The following EYS variants were observed in gnomAD, a reference collection of about 807,000 sequenced individuals.
EYS encodes the protein protein eyes shut homolog.
EYS carries 250 observed loss-of-function variants against 282.1 expected under a neutral mutation model. The ratio of observed to expected loss-of-function variants is 0.89; its 90% CI spans 0.80 to 0.98. EYS has a LOEUF of 0.98. Ranked by LOEUF, EYS falls within the 50% of genes least tolerant of loss-of-function variation. The pLI is 0.00. For missense variants in EYS, 4,016 were observed against 3,709.0 expected (o/e 1.08, Z -2.15); for synonymous variants, 1,355 against 1,282.9 (o/e 1.06, Z -1.20).
chr6:63,872,169 A>G (rs1772824271), intron 35 of EYS, among the ~76,000 whole-genome samples: 1 of 152,206 alleles, frequency 6.6e-6, no homozygotes, highest in South Asian at 2.1e-4. Flanking sequence ...AGCTCCCTAG[A>G]GTCCCAGAGG....
intron 35 of EYS, among the ~76,000 whole-genome samples, chr6:63,938,688 G>T (rs1394736243): frequency 2.0e-5 from 3 of 152,180 alleles, no homozygotes; most frequent in Non-Finnish European, 2.9e-5. Context: ...AGTAACATCT[G>T]CAGCACTTGC....
chr6:65,471,174 C>T (rs1293588554), intron 5 of EYS, among the ~76,000 whole-genome samples: 1 of 132,738 alleles, frequency 7.5e-6, no homozygotes, highest in Non-Finnish European at 1.6e-5. Flanking sequence ...AAAAGGATGG[C>T]ATAGAATGTT....
chr6:65,366,149 A>G (rs1764906536), intron 8 of EYS, among the ~76,000 whole-genome samples: 1 of 151,710 alleles, frequency 6.6e-6, no homozygotes, highest in Non-Finnish European at 1.5e-5. Context: ...TAAAGTATGT[A>G]CACATGCAGG....
chr6:64,503,294 T>C (rs946478116), intron 26 of EYS, among the ~76,000 whole-genome samples: 1 of 152,150 alleles, frequency 6.6e-6, no homozygotes, highest in African/African-American at 2.4e-5. Context: ...TATTTTCTAT[T>C]GCTGAGGAAG....
At chr6:64,257,044 C>T (rs956084230) in intron 30 of EYS, among the ~76,000 whole-genome samples, 1 of 151,942 alleles carries the variant, frequency 6.6e-6, no homozygotes, top group African/African-American at 2.4e-5. Flanking sequence ...TTCAATAAAA[C>T]ACATTTCTTC....
chr6:65,034,491 C>A (rs184442930), intron 13 of EYS, among the ~76,000 whole-genome samples: 1 of 152,090 alleles, frequency 6.6e-6, no homozygotes, highest in East Asian at 1.9e-4. Context: ...TCCCTCATGG[C>A]TTGTTTTGTC....
At chr6:64,589,031 T>G (rs1766316733) in intron 26 of EYS, among the ~76,000 whole-genome samples, 1 of 152,038 alleles carries the variant, frequency 6.6e-6, no homozygotes, top group Non-Finnish European at 1.5e-5. Flanking sequence ...GGCTATGGGA[T>G]GAATTGTTTG....
At chr6:65,464,238 A>T (rs1764917999) in intron 5 of EYS, among the ~76,000 whole-genome samples, 1 of 152,146 alleles carries the variant, frequency 6.6e-6, no homozygotes, top group Non-Finnish European at 1.5e-5. Context: ...GACACAGGAG[A>T]TATGAAGCAA....
chr6:64,327,077 G>C (rs1211446580), intron 29 of EYS, among the ~76,000 whole-genome samples: 2 of 152,120 alleles, frequency 1.3e-5, no homozygotes, highest in Non-Finnish European at 2.9e-5. Context: ...GTGTGGAAGA[G>C]AGTCTCGGGA....
intron 2 of EYS, among the ~76,000 whole-genome samples, chr6:65,613,457 A>C (rs1766074206): frequency 6.6e-6 from 1 of 151,828 alleles, no homozygotes; most frequent in Admixed American, 6.6e-5. Context: ...TTTGAAGTAT[A>C]ATTTTCAGTC....
At chr6:65,094,930 A>T (rs1176386678) in intron 12 of EYS, among the ~76,000 whole-genome samples, 1 of 151,278 alleles carries the variant, frequency 6.6e-6, no homozygotes, top group Non-Finnish European at 1.5e-5. Flanking sequence ...TGGTTTTCTG[A>T]AAAGATAAAA....
chr6:65,598,015 A>C (rs776351577), intron 2 of EYS, among the ~76,000 whole-genome samples: 1 of 151,988 alleles, frequency 6.6e-6, no homozygotes, highest in Non-Finnish European at 1.5e-5. Flanking sequence ...TGGGAGGATC[A>C]TTTGAGCCTG....
chr6:64,056,266 G>C (rs2149847554), intron 33 of EYS, among the ~76,000 whole-genome samples: 1 of 152,196 alleles, frequency 6.6e-6, no homozygotes, highest in East Asian at 1.9e-4. Flanking sequence ...TAAGTTTCAG[G>C]GGCTGAGAAT....
At chr6:65,171,404 CCTTTACTTA>C (rs1242004744) in intron 12 of EYS, among the ~76,000 whole-genome samples, 4 of 151,474 alleles carry the variant, frequency 2.6e-5, no homozygotes, top group African/African-American at 4.8e-5. Context: ...AGAGGCTAAA[CCTTTACTTA>C]ACTTTTCAAT....
intron 36 of EYS, among the ~76,000 whole-genome samples, chr6:63,820,345 C>A (rs966353147): frequency 1.3e-5 from 2 of 152,096 alleles, no homozygotes; most frequent in African/African-American, 4.8e-5. Context: ...TACTAAAGAG[C>A]TCTTTGAATA....
intron 30 of EYS, among the ~76,000 whole-genome samples, chr6:64,274,134 C>T (rs944742614): frequency 6.6e-6 from 1 of 152,160 alleles, no homozygotes; most frequent in Non-Finnish European, 1.5e-5. Context: ...CAGGTCTATA[C>T]GCTATGGCCC....
At chr6:63,739,862 T>C (rs1487411959) in intron 41 of EYS, among the ~76,000 whole-genome samples, 2 of 142,508 alleles carry the variant, frequency 1.4e-5, no homozygotes, top group Non-Finnish European at 3.1e-5. Flanking sequence ...CCCAGCTATT[T>C]TTTTTTTTTT....
At position 65,169,225 on chromosome 6, in the gene EYS, T is replaced by C. The variant is rs185480084; in HGVS notation, c.2024-111498A>G. ...ATTATTTTTAACTAGTTGATTATCTTTCATGAAATTAGATTGGAAAAGGCC... is the reference window on the plus strand; with the variant it reads ...ATTATTTTTAACTAGTTGATTATCTCTCATGAAATTAGATTGGAAAAGGCC... On this transcript the variant is annotated intron_variant, in intron 12 of 42. Coordinates refer to ENST00000503581, the MANE Select transcript of EYS (RefSeq NM_001142800.2). 4.0e-5 allele frequency among the ~76,000 whole-genome samples: 6 copies of C among 151,510 alleles called. No individual in the cohort carries two copies. The Admixed American group carries it at 4.0e-4, about 10-fold the overall frequency.
chr6:64,531,602 T>TA (rs1562044675), intron 26 of EYS, among the ~76,000 whole-genome samples: 11 of 144,054 alleles, frequency 7.6e-5, no homozygotes, highest in Non-Finnish European at 9.1e-5. Flanking sequence ...TATTTTATTT[T>TA]TTGTATTTTT....
Sources: allele counts gnomAD v4.1 joint callset (sites outside exome capture counted in the v4.1 genomes callset), GRCh38; gene constraint gnomAD v4.1.1; transcripts MANE v1.5; gene names NCBI Gene and HGNC (gene_info 2026-07-23, HGNC 2026-07-21).